The following ACSS1 variants were observed in gnomAD, a reference collection of about 807,000 sequenced individuals.
ACSS1 encodes acetyl-coenzyme A synthetase 2-like, mitochondrial.
Under a neutral mutation model 75.3 loss-of-function variants are expected in ACSS1, and 42 were observed. The ratio of observed to expected loss-of-function variants is 0.56; its 90% CI spans 0.44 to 0.72. The LOEUF (loss-of-function observed/expected upper bound fraction) is 0.72, where lower values mean the gene tolerates loss of function less well. Among genes scored for constraint, ACSS1 ranks in the 30% least tolerant of loss-of-function variants. The pLI is 0.00. For synonymous variants in ACSS1, 380 were observed against 376.8 expected (o/e 1.01, Z -0.10); for missense variants, 782 against 935.7 (o/e 0.84, Z 2.14).
chr20:25,014,128 G>T, intron 8 of ACSS1, 55 bp from the exon 9 acceptor site: 1 of 1,406,116 alleles, frequency 7.1e-7, no homozygotes, highest in Non-Finnish European at 9.8e-7. Flanking sequence ...AGGGATACGT[G>T]TATCCAGAGT....
At chr20:25,031,188 CA>C (rs2088818082) in intron 2 of ACSS1, 2 of 627,818 alleles carry the variant, frequency 3.2e-6, no homozygotes, top group East Asian at 6.1e-5. Context: ...GCTAGGGTGA[CA>C]AGGCTATCCT....
At chr20:25,042,095 C>A (rs997638790) in intron 2 of ACSS1, among the ~76,000 whole-genome samples, 1 of 152,278 alleles carries the variant, frequency 6.6e-6, no homozygotes, top group South Asian at 2.1e-4. Context: ...CTGTCCCCAA[C>A]AAAGAGGTCT....
At chr20:25,055,460 G>T (rs57218388) in intron 1 of ACSS1, among the ~76,000 whole-genome samples, 4,704 of 152,248 alleles carry the variant, frequency 0.031, 267 homozygotes, top group African/African-American at 0.11. Context: ...TTGTTTAATA[G>T]GGCCAAGGCC....
chr20:25,015,948 C>T (rs1156521716), intron 7 of ACSS1, among the ~76,000 whole-genome samples: 5 of 152,182 alleles, frequency 3.3e-5, no homozygotes, highest in Non-Finnish European at 7.3e-5. Context: ...TGACCCCTGA[C>T]GTACACCCCA....
At chr20:25,038,993 C>A (rs2088959800) in intron 2 of ACSS1, among the ~76,000 whole-genome samples, 1 of 152,168 alleles carries the variant, frequency 6.6e-6, no homozygotes, top group Non-Finnish European at 1.5e-5. Flanking sequence ...GTATTCCCTC[C>A]CCTGCCCCTC....
At chr20:25,019,540 G>A (rs771450817) in intron 7 of ACSS1, among the ~76,000 whole-genome samples, 15 of 152,128 alleles carry the variant, frequency 9.9e-5, no homozygotes, top group East Asian at 1.9e-4. Flanking sequence ...TTATTTAGAC[G>A]ACTGAGTCTC....
intron 2 of ACSS1, among the ~76,000 whole-genome samples, chr20:25,038,238 G>A (rs1187151924): frequency 1.3e-5 from 2 of 152,130 alleles, no homozygotes; most frequent in African/African-American, 2.4e-5. Flanking sequence ...TGTGGAAAGC[G>A]CTGAACCTGC....
Position 25,012,584 on chromosome 20 carries a change from A to G in ACSS1, c.1771+17T>C, listed in dbSNP as rs56222810. The G allele has an allele frequency of 0.1, 166,208 of 1,613,836 alleles. 9,385 individuals carry two copies. Among genetic ancestry groups the G allele is most frequent in the African/African-American group, 0.17 (12,847 of 75,014 alleles). On this transcript the variant is annotated intron_variant, in intron 12 of 13. Coordinates refer to ENST00000323482, the MANE Select transcript of ACSS1 (RefSeq NM_032501.4). ...GGGGTCAGGAATCAGGGAGGAGCTC[A>G]TCTCCAGGACACTCACCTTCTCCTT...
At position 25,006,539 on chromosome 20, in the gene ACSS1, G is replaced by T; in HGVS notation, c.*1223C>A. ...GTACTCAGTGGCCCAGACACCCCCC[G>T]AACACTGGCACTGCCACAAGGCCCT... is the stretch of plus-strand genomic sequence containing the variant. On this transcript the variant is annotated 3_prime_UTR_variant, in exon 14 of 14. Transcript: ENST00000323482. 1 of 302,530 alleles carries T rather than the reference G, an allele frequency of 3.3e-6. No individual in the cohort carries two copies. The highest frequency in any genetic ancestry group is 6.9e-5 in the East Asian group (1 of 14,596). 18.7% of individuals were successfully genotyped at this position (302,530 alleles called of 1,614,324 possible).
At chr20:25,039,410 A>C (rs955207973) in intron 2 of ACSS1, among the ~76,000 whole-genome samples, 1 of 152,196 alleles carries the variant, frequency 6.6e-6, no homozygotes, top group African/African-American at 2.4e-5. Flanking sequence ...GAGTTAGTTC[A>C]CTTTTTTAAT....
intron 2 of ACSS1, among the ~76,000 whole-genome samples, chr20:25,034,978 C>T (rs771948020): frequency 1.3e-5 from 2 of 152,014 alleles, no homozygotes; most frequent in Non-Finnish European, 2.9e-5. Flanking sequence ...CTGCAAGCTC[C>T]GCCCCCTGGG....
Position 25,057,848 on chromosome 20 carries a change from G to A in ACSS1, c.255C>T (p.Thr85=), listed in dbSNP as rs66817095. The change falls in exon 1 of 14, where the codon ACC becomes ACT. Residue 85 remains threonine (T), a synonymous_variant. Transcript: ENST00000323482. The part of the protein sequence containing the change: ...PLARDTLVWD[T]PYHTVWDCDF... ...CGCAGTCCCAGACGGTGTGGTAGGG[G>A]GTGTCCCACACGAGAGTGTCCCGCG... is the stretch of plus-strand genomic sequence containing the variant. 6 of 1,612,156 alleles carry A rather than the reference G, an allele frequency of 3.7e-6. 1 individual carries two copies. The highest frequency in any genetic ancestry group is 1.6e-4 in the Middle Eastern group (1 of 6,082).
At chr20:25,027,277 T>A (rs186788198) in intron 3 of ACSS1, among the ~76,000 whole-genome samples, 87 of 152,314 alleles carry the variant, frequency 5.7e-4, no homozygotes, top group Admixed American at 9.2e-4. Flanking sequence ...GGAGATACTT[T>A]CAAATTCATT....
At chr20:25,043,080 G>T (rs558218891) in intron 2 of ACSS1, among the ~76,000 whole-genome samples, 3 of 152,040 alleles carry the variant, frequency 2.0e-5, no homozygotes, top group Non-Finnish European at 4.4e-5. Context: ...CCCTGCCAGG[G>T]ACAGGGCAGG....
chr20:25,050,231 G>A (rs1439909700), intron 1 of ACSS1, among the ~76,000 whole-genome samples: 1 of 152,074 alleles, frequency 6.6e-6, no homozygotes, highest in East Asian at 1.9e-4. Context: ...GCTTTCACAT[G>A]AAAGCCATGG....
intron 2 of ACSS1, among the ~76,000 whole-genome samples, chr20:25,042,015 G>A (rs892996451): frequency 1.1e-4 from 17 of 152,154 alleles, no homozygotes; most frequent in Admixed American, 6.5e-5. Context: ...TGTCAGCCCA[G>A]TCAGGTTCCA....
chr20:25,037,434 G>A (rs1016449968), intron 2 of ACSS1, among the ~76,000 whole-genome samples: 1 of 152,186 alleles, frequency 6.6e-6, no homozygotes. Flanking sequence ...TGAGAAACCA[G>A]CCTACAGAAA....
chr20:25,031,264 T>C, intron 2 of ACSS1: 1 of 423,858 alleles, frequency 2.4e-6, no homozygotes, highest in South Asian at 2.2e-5. Context: ...GGTGACACCA[T>C]TTTAGAATCA....
chr20:25,055,967 T>A (rs1401583865), intron 1 of ACSS1, among the ~76,000 whole-genome samples: 2 of 152,176 alleles, frequency 1.3e-5, no homozygotes, highest in Admixed American at 6.5e-5. Flanking sequence ...GGCACGCACA[T>A]CCCAGGGGAG....
Sources: allele counts gnomAD v4.1 joint callset (sites outside exome capture counted in the v4.1 genomes callset), GRCh38; gene constraint gnomAD v4.1.1; transcripts MANE v1.5; gene names NCBI Gene and HGNC (gene_info 2026-07-23, HGNC 2026-07-21).